SLC25A21: variants seen among roughly 807,000 people sequenced by gnomAD.
SLC25A21 encodes the protein solute carrier family 25 member 21.
Under a neutral mutation model 43.8 loss-of-function variants are expected in SLC25A21, and 47 were observed. That is an observed-to-expected ratio of 1.07 (90% CI 0.85 to 1.37). The LOEUF is 1.37. SLC25A21 is among the 40% of genes most tolerant of loss of function. The pLI, the probability that SLC25A21 is intolerant of heterozygous loss-of-function variation, is 0.00. For synonymous variants in SLC25A21, 131 were observed against 121.3 expected (o/e 1.08, Z -0.52); for missense variants, 352 against 350.2 (o/e 1.00, Z -0.04).
intron 7 of SLC25A21, among the ~76,000 whole-genome samples, chr14:36,687,369 G>A (rs1882602589): frequency 1.3e-5 from 2 of 152,184 alleles, no homozygotes; most frequent in Admixed American, 6.5e-5. Context: ...CCTGGGTCCC[G>A]CTGCAGACCC....
At chr14:37,111,508 T>C (rs1384530134) in intron 1 of SLC25A21, among the ~76,000 whole-genome samples, 1 of 152,212 alleles carries the variant, frequency 6.6e-6, no homozygotes, top group Non-Finnish European at 1.5e-5. Flanking sequence ...TACTGGGGCC[T>C]TGTTTTAGAG....
intron 3 of SLC25A21, among the ~76,000 whole-genome samples, chr14:36,744,372 G>C (rs1885405550): frequency 6.6e-6 from 1 of 152,050 alleles, no homozygotes; most frequent in Non-Finnish European, 1.5e-5. Context: ...AGAGAACTTA[G>C]AAATAAAGCC....
intron 1 of SLC25A21, among the ~76,000 whole-genome samples, chr14:36,889,908 T>C (rs1446964142): frequency 2.0e-5 from 3 of 152,196 alleles, no homozygotes; most frequent in African/African-American, 7.2e-5. Context: ...CTTTGCAACA[T>C]TAAATTCTTT....
chr14:36,771,348 A>T (rs1266585645), intron 3 of SLC25A21, among the ~76,000 whole-genome samples: 1 of 149,038 alleles, frequency 6.7e-6, no homozygotes. Context: ...TTTTTGGATG[A>T]TAGCCAAGAA....
chr14:36,868,127 G>A (rs7151458), intron 2 of SLC25A21, among the ~76,000 whole-genome samples: 66,699 of 151,662 alleles, frequency 0.44, 16,015 homozygotes, highest in Non-Finnish European at 0.52. Flanking sequence ...GAAAGAGAGT[G>A]TATCAGAGAA....
chr14:36,996,857 G>A (rs1469938817), intron 1 of SLC25A21, among the ~76,000 whole-genome samples: 1 of 151,624 alleles, frequency 6.6e-6, no homozygotes, highest in African/African-American at 2.4e-5. Flanking sequence ...ATGAGATGAG[G>A]AAAAAATGAA....
At chr14:36,877,835 G>A (rs900242597) in intron 1 of SLC25A21, among the ~76,000 whole-genome samples, 1 of 152,178 alleles carries the variant, frequency 6.6e-6, no homozygotes, top group African/African-American at 2.4e-5. Flanking sequence ...GTGCAGGTGA[G>A]GCTCAAGTTC....
At chr14:36,817,646 C>T (rs1406039632) in intron 2 of SLC25A21, among the ~76,000 whole-genome samples, 1 of 152,150 alleles carries the variant, frequency 6.6e-6, no homozygotes, top group Non-Finnish European at 1.5e-5. Flanking sequence ...AGCACTTCGG[C>T]TACCTCAGGA....
chr14:36,939,639 C>T (rs921581922), intron 1 of SLC25A21, among the ~76,000 whole-genome samples: 9 of 151,828 alleles, frequency 5.9e-5, no homozygotes, highest in Non-Finnish European at 1.0e-4. Flanking sequence ...TTTTTTAATG[C>T]TTTTTATATC....
intron 1 of SLC25A21, among the ~76,000 whole-genome samples, chr14:37,082,150 C>A (rs1438063168): frequency 1.3e-5 from 2 of 152,124 alleles, no homozygotes; most frequent in Non-Finnish European, 2.9e-5. Context: ...CCAAATGCAG[C>A]ATGTTCTCAT....
chr14:36,949,882 G>A (rs1226776645), intron 1 of SLC25A21, among the ~76,000 whole-genome samples: 1 of 152,140 alleles, frequency 6.6e-6, no homozygotes. Context: ...TCTTCAAAAA[G>A]GTGGGGGAAG....
At chr14:36,799,339 T>C (rs1351682793) in intron 3 of SLC25A21, among the ~76,000 whole-genome samples, 2 of 152,134 alleles carry the variant, frequency 1.3e-5, no homozygotes, top group African/African-American at 2.4e-5. Context: ...CTTAAACCCA[T>C]GGTTTGTATC....
chr14:36,814,719 T>A (rs1888394190), intron 2 of SLC25A21, among the ~76,000 whole-genome samples: 1 of 152,186 alleles, frequency 6.6e-6, no homozygotes, highest in African/African-American at 2.4e-5. Flanking sequence ...ACACTGTTGG[T>A]GGGAGTGTAA....
intron 3 of SLC25A21, among the ~76,000 whole-genome samples, chr14:36,743,435 GA>G (rs58206307): frequency 1.4e-5 from 2 of 146,842 alleles, no homozygotes; most frequent in Non-Finnish European, 1.5e-5. Flanking sequence ...AGGACTCCAA[GA>G]AAAAAAAACA....
At chr14:37,145,497 T>TCATCTCCTA (rs1963649954) in intron 1 of SLC25A21, among the ~76,000 whole-genome samples, 1 of 148,480 alleles carries the variant, frequency 6.7e-6, no homozygotes, top group African/African-American at 2.6e-5. Flanking sequence ...GCTAAATAAC[T>TCATCTCCTA]CTTTGGGACA....
At chr14:37,057,138 C>G (rs1209892192) in intron 1 of SLC25A21, among the ~76,000 whole-genome samples, 2 of 152,148 alleles carry the variant, frequency 1.3e-5, no homozygotes, top group Non-Finnish European at 2.9e-5. Context: ...GAATTTAGGA[C>G]TTTCAAATGC....
At chr14:36,993,269 T>C (rs561243520) in intron 1 of SLC25A21, among the ~76,000 whole-genome samples, 66 of 152,260 alleles carry the variant, frequency 4.3e-4, no homozygotes, top group African/African-American at 1.5e-3. Flanking sequence ...AGTGGTGTCA[T>C]TGGAGAATGG....
chr14:37,163,697 G>A (rs1452503140), intron 1 of SLC25A21, among the ~76,000 whole-genome samples: 1 of 152,100 alleles, frequency 6.6e-6, no homozygotes, highest in Non-Finnish European at 1.5e-5. Context: ...TGGGAGGAGT[G>A]GGGAGGATGA....
At chr14:36,987,764 C>T (rs1444355398) in intron 1 of SLC25A21, among the ~76,000 whole-genome samples, 1 of 152,106 alleles carries the variant, frequency 6.6e-6, no homozygotes, top group Non-Finnish European at 1.5e-5. Context: ...TTAGTCCACA[C>T]CAATGATTAT....
Sources: gnomAD v4.1 joint callset for allele counts (sites outside exome capture counted in the v4.1 genomes callset) on GRCh38, gnomAD v4.1.1 for gene constraint, MANE v1.5 for transcripts, NCBI Gene and HGNC (gene_info 2026-07-23, HGNC 2026-07-21) for gene names.